GCC2: variants seen among roughly 807,000 people sequenced by gnomAD.
GCC2 encodes the protein GRIP and coiled-coil domain-containing protein 2.
GCC2 carries 120 observed loss-of-function variants against 210.6 expected under a neutral mutation model. That is an observed-to-expected ratio of 0.57 (90% CI 0.49 to 0.66). GCC2 has a LOEUF of 0.66. Ranked by LOEUF, GCC2 falls within the 30% of genes least tolerant of loss-of-function variation. The pLI is 0.00. For missense variants in GCC2, 1,868 were observed against 1,871.9 expected (o/e 1.00, Z 0.04); for synonymous variants, 703 against 652.7 (o/e 1.08, Z -1.17).
At chr2:108,468,780 C>T (rs1216074770) in intron 4 of GCC2, among the ~76,000 whole-genome samples, 200 bp from the exon 5 acceptor site, 2 of 152,210 alleles carry the variant, frequency 1.3e-5, no homozygotes, top group Non-Finnish European at 2.9e-5. Flanking sequence ...CATCCTCCTC[C>T]GTAATTCAGT....
chr2:108,486,761 T>TA (rs1280880183), intron 16 of GCC2, 113 bp downstream of exon 16: 5 of 912,096 alleles, frequency 5.5e-6, no homozygotes, highest in East Asian at 2.8e-5. Flanking sequence ...TAAGAGCACT[T>TA]ACTAGATTAA....
At chr2:108,472,311 T>C (rs929378494) in intron 6 of GCC2, among the ~76,000 whole-genome samples, 195 bp downstream of exon 6, 10 of 152,154 alleles carry the variant, frequency 6.6e-5, no homozygotes, top group Admixed American at 2.6e-4. Flanking sequence ...TGGGGAGTTT[T>C]AGATACTTTT....
chr2:108,449,509 C>CT, intron 1 of GCC2, 124 bp from the exon 2 acceptor site: 1 of 1,235,004 alleles, frequency 8.1e-7, no homozygotes, highest in Non-Finnish European at 1.2e-6. Context: ...CCCTCATTCT[C>CT]TGTCTCACGA....
At chr2:108,503,431 G>T (rs1373459845) in intron 22 of GCC2, among the ~76,000 whole-genome samples, 1 of 152,152 alleles carries the variant, frequency 6.6e-6, no homozygotes, top group Non-Finnish European at 1.5e-5. Flanking sequence ...TAAGCAAAAA[G>T]AAAATTTCCT....
At chr2:108,456,936 G>A (rs1407464419) in intron 4 of GCC2, among the ~76,000 whole-genome samples, 1 of 142,822 alleles carries the variant, frequency 7.0e-6, no homozygotes, top group African/African-American at 2.6e-5. Flanking sequence ...GGTGACAGAG[G>A]GAGCCCTTAC....
chr2:108,463,995 G>A (rs1314037619), intron 4 of GCC2, among the ~76,000 whole-genome samples: 1 of 152,014 alleles, frequency 6.6e-6, no homozygotes, highest in Non-Finnish European at 1.5e-5. Context: ...CTAGTCCCCT[G>A]GACATTGCTC....
intron 4 of GCC2, among the ~76,000 whole-genome samples, chr2:108,455,994 C>CT (rs1482405620): frequency 1.3e-4 from 19 of 150,836 alleles, no homozygotes; most frequent in African/African-American, 3.2e-4. Context: ...CAACTGTTTT[C>CT]TTTTTTTTGA....
Position 108,485,706 on chromosome 2 carries a change from C to A in GCC2, c.3684C>A (p.Thr1228=). The A allele has an allele frequency of 6.3e-7, 1 of 1,593,744 alleles. No homozygotes were observed. Among genetic ancestry groups the A allele is most frequent in the Non-Finnish European group, 8.5e-7 (1 of 1,170,354 alleles). ...AAATCAAGCAATTGCTTGTGAAAAC[C>A]AAAAAGGAACTGGCAGATTCAAAGC... is the stretch of plus-strand genomic sequence containing the variant. ...NTKIKQLLVK[T]KKELADSKQA... is the part of the protein sequence containing the mutation. Residue 1228 remains threonine (T), a synonymous_variant, in exon 14 of 23, where the codon ACC becomes ACA. Coordinates refer to ENST00000309863, the MANE Select transcript of GCC2 (RefSeq NM_181453.4).
Position 108,470,781 on chromosome 2 carries a change from A to G in GCC2, c.1452A>G (p.Arg484=), listed in dbSNP as rs748096672. Residue 484 remains arginine, a synonymous_variant, in exon 6 of 23, where the codon CGA becomes CGG. Coordinates refer to ENST00000309863, the MANE Select transcript of GCC2 (RefSeq NM_181453.4). The part of the protein sequence containing the change: ...QEAILNYESL[R]EIMEILQTEL... ...CAATTTTAAATTATGAGAGTTTACG[A>G]GAGATTATGGAAATTTTACAAACAG... is the stretch of plus-strand genomic sequence containing the variant. 5.6e-6 allele frequency: 9 copies of G among 1,613,744 alleles called. No homozygotes were observed. In the South Asian group the frequency reaches 9.9e-5, roughly 18 times the overall value.
intron 21 of GCC2, 24 bp downstream of exon 21, chr2:108,497,133 C>T (rs1357392906): frequency 1.2e-5 from 19 of 1,611,774 alleles, no homozygotes; most frequent in East Asian, 4.5e-5. Context: ...ACCTGGCCGC[C>T]GTGAAAACCG....
intron 4 of GCC2, among the ~76,000 whole-genome samples, chr2:108,462,040 T>C (rs1338397067): frequency 6.9e-6 from 1 of 145,398 alleles, no homozygotes; most frequent in African/African-American, 2.5e-5. Context: ...GGTTTCACCC[T>C]GTTAGCCAGG....
At chr2:108,483,221 GTTGTTCTGT>G in intron 12 of GCC2, 55 bp downstream of exon 12, 3 of 916,940 alleles carry the variant, frequency 3.3e-6, no homozygotes, top group Admixed American at 2.0e-5. Context: ...GTTCTGTTTT[GTTGTTCTGT>G]TTGTTCTGTT....
At chr2:108,499,234 T>C (rs1682796484) in intron 21 of GCC2, among the ~76,000 whole-genome samples, 1 of 152,114 alleles carries the variant, frequency 6.6e-6, no homozygotes, top group Non-Finnish European at 1.5e-5. Context: ...CAACCCCAAA[T>C]AGCTTAGGAC....
chr2:108,461,036 C>A (rs1680542898), intron 4 of GCC2, among the ~76,000 whole-genome samples: 1 of 152,152 alleles, frequency 6.6e-6, no homozygotes, highest in African/African-American at 2.4e-5. Context: ...GAACCATGAG[C>A]CAATTTAATC....
chr2:108,471,187 G>C lies in GCC2; in HGVS notation c.1858G>C (p.Glu620Gln). ...MDNFHKKCER[E>Q]ERLILELGKK... ...TAATTTCCATAAGAAATGTGAAAGG[G>C]AAGAAAGATTGATTCTTGAACTTGG... Residue 620 changes from glutamate (E) to glutamine (Q), a missense_variant, in exon 6 of 23, where the codon GAA becomes CAA. By Grantham distance (29) the Glu-to-Gln change is conservative. Around this residue, in one of 3 missense-constraint regions of GCC2, gnomAD observed 1,847 missense variants for 1,765.2 expected, o/e 1.05. Coordinates refer to ENST00000309863, the MANE Select transcript of GCC2 (RefSeq NM_181453.4). The C allele has an allele frequency of 6.2e-7, 1 of 1,604,060 alleles. No individual in the cohort carries two copies. The highest frequency in any genetic ancestry group is 2.2e-5 in the East Asian group (1 of 44,766).
intron 22 of GCC2, among the ~76,000 whole-genome samples, chr2:108,506,107 T>A (rs2104523566): frequency 6.6e-6 from 1 of 152,314 alleles, no homozygotes; most frequent in African/African-American, 2.4e-5. Flanking sequence ...ACTTATGCAC[T>A]TTAAAAAGGT....
chr2:108,475,383 C>A, intron 7 of GCC2, 152 bp from the exon 8 acceptor site: 1 of 461,636 alleles, frequency 2.2e-6, no homozygotes, highest in South Asian at 4.6e-5. Context: ...AATAAAATTC[C>A]ACTTTAAAAA....
intron 4 of GCC2, among the ~76,000 whole-genome samples, chr2:108,454,659 A>G (rs1232792584): frequency 6.6e-6 from 1 of 152,232 alleles, no homozygotes; most frequent in Non-Finnish European, 1.5e-5. Context: ...TCTACTGATC[A>G]GCTGTGTGAC....
chr2:108,503,695 A>G (rs1266104548), intron 22 of GCC2, among the ~76,000 whole-genome samples: 2 of 152,202 alleles, frequency 1.3e-5, no homozygotes, highest in Non-Finnish European at 2.9e-5. Context: ...CTTGGAGGCA[A>G]ATGTTTATAA....
Sources: allele counts gnomAD v4.1 joint callset (sites outside exome capture counted in the v4.1 genomes callset), GRCh38; gene constraint gnomAD v4.1.1; regional missense constraint gnomAD v4.1.1; transcripts MANE v1.5; gene names NCBI Gene and HGNC (gene_info 2026-07-23, HGNC 2026-07-21).